SYT14: variants seen among roughly 807,000 people sequenced by gnomAD.
The protein encoded by SYT14 is synaptotagmin-14.
A neutral mutation model predicts 74.2 loss-of-function variants in SYT14; 32 were observed. The ratio of observed to expected loss-of-function variants is 0.43; its 90% CI spans 0.33 to 0.58. The LOEUF is 0.58. Among genes scored for constraint, SYT14 ranks in the 20% least tolerant of loss-of-function variants. SYT14 has a pLI of 0.05. For synonymous variants in SYT14, 298 were observed against 337.7 expected, an observed-to-expected ratio of 0.88 and a Z score of 1.29; for missense variants, 791 against 981.8, an observed-to-expected ratio of 0.81 and a Z score of 2.60.
intron 7 of SYT14, among the ~76,000 whole-genome samples, chr1:210,125,522 A>C (rs1288119814): frequency 1.3e-5 from 2 of 152,100 alleles, no homozygotes; most frequent in African/African-American, 4.8e-5. Context: ...TATGTTTTTT[A>C]AGTCATATCT....
intron 7 of SYT14, among the ~76,000 whole-genome samples, chr1:210,119,709 A>G (rs76038058): frequency 3.7e-4 from 57 of 152,324 alleles, no homozygotes; most frequent in African/African-American, 1.4e-3. Flanking sequence ...ATGCTCCTGC[A>G]AGTACCACGT....
intron 7 of SYT14, among the ~76,000 whole-genome samples, chr1:210,116,762 T>C (rs573101550): frequency 2.0e-5 from 3 of 152,174 alleles, no homozygotes; most frequent in South Asian, 2.1e-4. Context: ...TGAACACTTA[T>C]TAAATTTATT....
chr1:210,105,015 T>C (rs2082133712), intron 7 of SYT14, among the ~76,000 whole-genome samples: 1 of 152,142 alleles, frequency 6.6e-6, no homozygotes, highest in Non-Finnish European at 1.5e-5. Context: ...GCGTACCTGT[T>C]AAGTTTTTTT....
At chr1:210,075,342 G>GTT (rs33985042) in intron 5 of SYT14, among the ~76,000 whole-genome samples, 30,838 of 127,516 alleles carry the variant, frequency 0.24, 4,209 homozygotes, top group Non-Finnish European at 0.27. Flanking sequence ...TCGAGGGTTT[G>GTT]TTTTTTTTTT....
At chr1:210,142,949 T>C (rs1479975713) in intron 7 of SYT14, among the ~76,000 whole-genome samples, 1 of 152,222 alleles carries the variant, frequency 6.6e-6, no homozygotes, top group Non-Finnish European at 1.5e-5. Context: ...GAATCTCTGT[T>C]TTATAACGGA....
At chr1:210,136,340 G>A (rs995067789) in intron 7 of SYT14, among the ~76,000 whole-genome samples, 15 of 152,164 alleles carry the variant, frequency 9.9e-5, no homozygotes, top group African/African-American at 1.9e-4. Flanking sequence ...AACGGGGTCA[G>A]TGATTTTAGG....
At chr1:210,045,936 A>T (rs1246991690) in intron 5 of SYT14, among the ~76,000 whole-genome samples, 2 of 152,194 alleles carry the variant, frequency 1.3e-5, no homozygotes, top group Non-Finnish European at 2.9e-5. Flanking sequence ...AAAATATATT[A>T]TTTTTGTATC....
At chr1:209,953,104 A>G (rs968254164) in intron 2 of SYT14, 2 of 1,307,712 alleles carry the variant, frequency 1.5e-6, no homozygotes, top group African/African-American at 3.0e-5. Flanking sequence ...CTGTTCTATT[A>G]CTGTACCCCA....
At chr1:210,003,267 A>G (rs2079933827) in intron 2 of SYT14, among the ~76,000 whole-genome samples, 1 of 152,154 alleles carries the variant, frequency 6.6e-6, no homozygotes, top group Non-Finnish European at 1.5e-5. Context: ...TCTGTTATCT[A>G]TTCCTGTGCC....
At chr1:209,972,355 C>T (rs915652210) in intron 2 of SYT14, among the ~76,000 whole-genome samples, 1 of 151,930 alleles carries the variant, frequency 6.6e-6, no homozygotes, top group African/African-American at 2.4e-5. Context: ...CAGTTTCCTT[C>T]AGTTCTACTC....
intron 8 of SYT14, 29 bp from the exon 8 acceptor site, chr1:210,159,392 T>G (rs1364382469): frequency 6.5e-7 from 1 of 1,550,142 alleles, no homozygotes; most frequent in Non-Finnish European, 8.7e-7. Context: ...TCATTATTTC[T>G]TTTACTGCTT....
At chr1:210,086,532 T>G (rs944737050) in intron 5 of SYT14, among the ~76,000 whole-genome samples, 3 of 152,216 alleles carry the variant, frequency 2.0e-5, no homozygotes, top group African/African-American at 4.8e-5. Context: ...TCTCCTCACT[T>G]TCAATACACA....
At chr1:210,000,922 G>C (rs1180192071) in intron 2 of SYT14, among the ~76,000 whole-genome samples, 2 of 151,938 alleles carry the variant, frequency 1.3e-5, no homozygotes, top group South Asian at 4.1e-4. Context: ...GTGCCTCATA[G>C]TTTTCATCCT....
At chr1:210,127,018 G>T (rs1421453643) in intron 7 of SYT14, among the ~76,000 whole-genome samples, 10 of 152,150 alleles carry the variant, frequency 6.6e-5, no homozygotes, top group Non-Finnish European at 1.2e-4. Context: ...TGTTGAGTGG[G>T]CAGGGGCTTG....
At chr1:210,152,907 G>A (rs2083194450) in intron 7 of SYT14, among the ~76,000 whole-genome samples, 1 of 151,988 alleles carries the variant, frequency 6.6e-6, no homozygotes, top group Non-Finnish European at 1.5e-5. Flanking sequence ...TACATAAATG[G>A]AATTATGCAG....
intron 5 of SYT14, among the ~76,000 whole-genome samples, chr1:210,037,701 C>T (rs550444543): frequency 6.6e-6 from 1 of 151,970 alleles, no homozygotes; most frequent in African/African-American, 2.4e-5. Flanking sequence ...ATTCAAAGAT[C>T]GCTCAGGAGC....
intron 2 of SYT14, among the ~76,000 whole-genome samples, chr1:209,976,838 C>CG (rs1432226186): frequency 6.6e-6 from 1 of 152,100 alleles, no homozygotes; most frequent in East Asian, 1.9e-4. Flanking sequence ...GTGTGGGAGT[C>CG]TAAGTCTCTT....
Position 210,088,974 on chromosome 1 carries a change from CA to C in SYT14, c.1313-5346del, listed in dbSNP as rs1353317230. On this transcript the variant is annotated intron_variant, in intron 5 of 9. Coordinates refer to ENST00000637265, the Ensembl canonical transcript of SYT14. The stretch of plus-strand genomic sequence containing the variant: ...ATACACGTGCCATGGTGGTTTGCTG[CA>C]ACCGTCAATCTATCATCTACATTAG... Among the ~76,000 whole-genome samples, 203 of 151,846 alleles carry C rather than the reference CA, an allele frequency of 1.3e-3. 2 individuals carry two copies. The highest frequency in any genetic ancestry group is 2.0e-3 in the Non-Finnish European group (138 of 67,804).
intron 7 of SYT14, among the ~76,000 whole-genome samples, chr1:210,142,875 A>T (rs2082946635): frequency 1.3e-5 from 2 of 152,200 alleles, no homozygotes; most frequent in Non-Finnish European, 2.9e-5. Context: ...AAATATAGTG[A>T]TCTATTTTTA....
Sources: allele counts gnomAD v4.1 joint callset (sites outside exome capture counted in the v4.1 genomes callset), GRCh38; gene constraint gnomAD v4.1.1; transcripts MANE v1.5; gene names NCBI Gene and HGNC (gene_info 2026-07-23, HGNC 2026-07-21).